The following CALD1 variants were observed in gnomAD, a reference collection of about 807,000 sequenced individuals.
CALD1 encodes the protein caldesmon 1, also known as caldesmon.
Under a neutral mutation model 99.9 loss-of-function variants are expected in CALD1, and 33 were observed. The observed-to-expected ratio is 0.33, with a 90% CI of 0.25 to 0.44. CALD1 has a LOEUF of 0.44. CALD1 is among the 20% of genes least tolerant of loss of function. The pLI, the probability that CALD1 is intolerant of heterozygous loss-of-function variation, is 1.00. For synonymous variants in CALD1, 310 were observed against 325.0 expected (o/e 0.95, Z 0.50); for missense variants, 861 against 962.1 (o/e 0.89, Z 1.39).
At chr7:134,862,947 TC>T (rs1426108794) in intron 2 of CALD1, among the ~76,000 whole-genome samples, 2 of 152,166 alleles carry the variant, frequency 1.3e-5, no homozygotes, top group Non-Finnish European at 2.9e-5. Context: ...GAAGGGTTTG[TC>T]CCATTTCTCT....
chr7:134,790,466 T>C (rs554042455), intron 1 of CALD1, among the ~76,000 whole-genome samples: 3 of 152,338 alleles, frequency 2.0e-5, no homozygotes, highest in African/African-American at 7.2e-5. Context: ...ATCTGCTCTG[T>C]GTCTTCCCCC....
chr7:134,734,659 A>G, the CALD1 span, among the ~76,000 whole-genome samples: 2 of 152,190 alleles, frequency 1.3e-5, no homozygotes, highest in Admixed American at 6.5e-5. Context: ...GTGATAGTGA[A>G]TATGTCTTAC....
chr7:134,954,138 C>T (rs57614887), intron 9 of CALD1, among the ~76,000 whole-genome samples: 6 of 152,152 alleles, frequency 3.9e-5, no homozygotes, highest in Non-Finnish European at 8.8e-5. Context: ...CTACCAACTA[C>T]TGTATTTTTA....
chr7:134,758,539 T>TGTGTGTGTGTGTGTG (rs1796749278), intron 1 of CALD1, among the ~76,000 whole-genome samples: 2 of 148,730 alleles, frequency 1.3e-5, no homozygotes, highest in South Asian at 2.1e-4. Context: ...TGTGTGTGTG[T>TGTGTGTGTGTGTGTG]TTCCAAGAAC....
intron 3 of CALD1, among the ~76,000 whole-genome samples, chr7:134,887,667 C>T (rs543156517): frequency 2.9e-4 from 40 of 136,812 alleles, no homozygotes; most frequent in Non-Finnish European, 5.0e-4. Context: ...TGCATGTGTG[C>T]GTATGCATGC....
In CALD1 at chr7:134,952,318, A is replaced by T. The variant is rs559165873; in HGVS notation, c.1935+1804A>T. 1.8e-4 allele frequency among the ~76,000 whole-genome samples: 28 copies of T among 152,122 alleles called. No individual in the cohort carries two copies. In the South Asian group the frequency reaches 5.8e-3, roughly 32 times the overall value. On this transcript the variant is annotated intron_variant, in intron 9 of 14. Coordinates refer to ENST00000361675, the MANE Select transcript of CALD1 (RefSeq NM_033138.4). ...CCTATCCCAAAAAAAAGAAAAAAAG[A>T]ATCATAGCGAGGTCTGGATGGTTAA... is the stretch of plus-strand genomic sequence containing the variant.
chr7:134,836,975 C>A (rs915197637), intron 1 of CALD1, among the ~76,000 whole-genome samples: 3 of 151,992 alleles, frequency 2.0e-5, no homozygotes, highest in Non-Finnish European at 4.4e-5. Flanking sequence ...AATGATTAGG[C>A]ACCATTTTAA....
At chr7:134,813,298 TG>T in intron 1 of CALD1, among the ~76,000 whole-genome samples, 1 of 150,482 alleles carries the variant, frequency 6.6e-6, no homozygotes, top group East Asian at 2.0e-4. Context: ...GCTGGAGAGT[TG>T]TATGGGTTTA....
intron 3 of CALD1, among the ~76,000 whole-genome samples, chr7:134,928,428 CAAAAAA>C (rs11355152): frequency 9.0e-5 from 5 of 55,658 alleles, no homozygotes; most frequent in African/African-American, 1.5e-4. Context: ...GACTGGGTCT[CAAAAAA>C]AAAAAAAAAA....
intron 3 of CALD1, among the ~76,000 whole-genome samples, chr7:134,915,168 A>G: frequency 6.6e-6 from 1 of 152,204 alleles, no homozygotes; most frequent in Admixed American, 6.5e-5. Context: ...CTCAGAACCT[A>G]GGCCCCCATG....
intron 2 of CALD1, among the ~76,000 whole-genome samples, chr7:134,849,585 T>C (rs1799992957): frequency 1.3e-5 from 2 of 152,246 alleles, no homozygotes; most frequent in South Asian, 4.1e-4. Flanking sequence ...TTTATTGTTG[T>C]ATGGTTTTTT....
At chr7:134,939,650 CTG>C in intron 6 of CALD1, among the ~76,000 whole-genome samples, 1 of 152,292 alleles carries the variant, frequency 6.6e-6, no homozygotes, top group East Asian at 1.9e-4. Context: ...GAGCAAAAAA[CTG>C]TGCTCTGCTT....
At chr7:134,886,570 G>A (rs150894071) in intron 3 of CALD1, among the ~76,000 whole-genome samples, 18 of 152,300 alleles carry the variant, frequency 1.2e-4, no homozygotes, top group Middle Eastern at 3.4e-3. Context: ...TTGGTTTCCC[G>A]TTTGAAGAGT....
chr7:134,916,994 C>T (rs1041848703), intron 3 of CALD1, among the ~76,000 whole-genome samples: 2 of 152,308 alleles, frequency 1.3e-5, no homozygotes, highest in African/African-American at 4.8e-5. Context: ...TACCTGTGGT[C>T]AAATGTCATT....
chr7:134,780,136 G>A (rs1434591444), intron 1 of CALD1, among the ~76,000 whole-genome samples: 1 of 152,154 alleles, frequency 6.6e-6, no homozygotes, highest in Non-Finnish European at 1.5e-5. Flanking sequence ...ATCTTTTATT[G>A]CCAAAGATTT....
At chr7:134,748,923 G>A (rs972967331) in intron 1 of CALD1, among the ~76,000 whole-genome samples, 1 of 151,884 alleles carries the variant, frequency 6.6e-6, no homozygotes, top group African/African-American at 2.4e-5. Context: ...TCATCAAAAA[G>A]GCTAGAGGGA....
chr7:134,845,152 T>A (rs1199555138), intron 2 of CALD1, among the ~76,000 whole-genome samples: 1 of 152,186 alleles, frequency 6.6e-6, no homozygotes, highest in East Asian at 1.9e-4. Flanking sequence ...GAGTGTATTA[T>A]AATCATTTGG....
At chr7:134,921,804 A>G (rs988544354) in intron 3 of CALD1, among the ~76,000 whole-genome samples, 1 of 151,822 alleles carries the variant, frequency 6.6e-6, no homozygotes, top group Non-Finnish European at 1.5e-5. Context: ...CTCAAAAAAC[A>G]AAACAAAACA....
intron 2 of CALD1, among the ~76,000 whole-genome samples, chr7:134,848,751 A>G (rs1204948747): frequency 6.6e-6 from 1 of 152,198 alleles, no homozygotes; most frequent in Non-Finnish European, 1.5e-5. Context: ...AAAATTATAA[A>G]TATAAAGACA....
Sources: gnomAD v4.1 joint callset for allele counts (sites outside exome capture counted in the v4.1 genomes callset) on GRCh38, gnomAD v4.1.1 for gene constraint, MANE v1.5 for transcripts, NCBI Gene and HGNC (gene_info 2026-07-23, HGNC 2026-07-21) for gene names.